Variants in SHROOM4 observed in about 807,000 individuals in gnomAD.
The protein encoded by SHROOM4 is protein Shroom4.
SHROOM4 carries 17 observed loss-of-function variants against 80.3 expected under a neutral mutation model. The observed-to-expected ratio is 0.21, with a 90% CI of 0.14 to 0.32. The LOEUF is 0.32. SHROOM4 is among the 10% of genes least tolerant of loss of function. SHROOM4 has a pLI of 1.00. For missense variants in SHROOM4, 993 were observed against 1,140.3 expected (o/e 0.87, Z 1.86); for synonymous variants, 400 against 437.5 (o/e 0.91, Z 1.07).
At chrX:50,662,104 C>T (rs1338503171) in intron 2 of SHROOM4, among the ~76,000 whole-genome samples, 11 of 110,575 alleles carry the variant, frequency 9.9e-5, no homozygotes, top group Non-Finnish European at 2.1e-4. Flanking sequence ...GGAAATTTAA[C>T]GTATGTTCAA....
At chrX:50,792,390 C>T (rs1935870657) in intron 1 of SHROOM4, among the ~76,000 whole-genome samples, 1 of 109,893 alleles carries the variant, frequency 9.1e-6, no homozygotes, top group Non-Finnish European at 1.9e-5. Context: ...CCTGTAATCC[C>T]AGCTATTTGG....
rs1557255823 is a variant in SHROOM4, at chrX:50,635,473, A to T, written c.600T>A (p.Ser200=). ...CTGGCCTGAGGGAAAGGGCACAGTC[A>T]GAAGCATTTGAGCTGGCCGAGAAGG... ...YSSFSASSNA[S]DCALSLRPEE... is the part of the protein sequence containing the mutation. The change falls in exon 4 of 9, where the codon TCT becomes TCA. Residue 200 remains serine, a synonymous_variant. Transcript: ENST00000376020. 1 of 1,210,498 alleles carries T rather than the reference A, an allele frequency of 8.3e-7. No individual in the cohort carries two copies. Among genetic ancestry groups the T allele is most frequent in the Non-Finnish European group, 1.1e-6 (1 of 894,797 alleles).
At position 50,592,413 on chromosome X, in the gene SHROOM4, T is replaced by A; in HGVS notation, c.*4282A>T. On this transcript the variant is annotated 3_prime_UTR_variant, in exon 9 of 9. Coordinates refer to ENST00000376020, the MANE Select transcript of SHROOM4 (RefSeq NM_020717.5). ...GATAATACTGTTCCCATTTTACAGA[T>A]AAGAAAATGACCTCAGAAGTTGAGC... The A allele has an allele frequency of 4.2e-6, 1 of 237,424 alleles. No homozygotes were observed. Among genetic ancestry groups the A allele is most frequent in the Non-Finnish European group, 7.8e-6 (1 of 128,329 alleles). The allele number at this position is 237,424 out of a possible 1,213,427, so 19.6% of individuals were successfully genotyped here.
In SHROOM4 at chrX:50,596,247, A is replaced by G. The variant is rs1206440606; in HGVS notation, c.*448T>C. Reference sequence around the variant, plus strand: ...GGTGCCAGGTGAATGCCCTCAAGGCAGCCAGCTCTCTGTGAGAAATGGCTG... The same window carrying G: ...GGTGCCAGGTGAATGCCCTCAAGGCGGCCAGCTCTCTGTGAGAAATGGCTG... On this transcript the variant is annotated 3_prime_UTR_variant, in exon 9 of 9. Transcript: ENST00000376020. 9 of 334,600 alleles carry G rather than the reference A, an allele frequency of 2.7e-5. No individual in the cohort carries two copies. The highest frequency in any genetic ancestry group is 4.6e-5 in the Non-Finnish European group (8 of 173,842). 27.6% of individuals were successfully genotyped at this position (334,600 alleles called of 1,213,427 possible). A position where few individuals can be genotyped will look rare whatever the true frequency, so the allele number is the denominator to read the frequency against.
the SHROOM4 span, among the ~76,000 whole-genome samples, chrX:50,578,545 T>A: frequency 9.0e-6 from 1 of 111,657 alleles, no homozygotes; most frequent in Admixed American, 9.5e-5. Flanking sequence ...GACCTCATGA[T>A]CCGCCTGCCT....
intron 5 of SHROOM4, among the ~76,000 whole-genome samples, chrX:50,618,776 G>A (rs1930448505): frequency 8.9e-6 from 1 of 111,793 alleles, no homozygotes; most frequent in Admixed American, 9.5e-5. Context: ...ATTATTGTCA[G>A]TTTGCAGATG....
intron 2 of SHROOM4, among the ~76,000 whole-genome samples, chrX:50,688,012 AG>A (rs1933122167): frequency 9.0e-6 from 1 of 110,597 alleles, no homozygotes; most frequent in African/African-American, 3.3e-5. Context: ...TTCTAGTCTA[AG>A]GGTCATTTTT....
At chrX:50,579,178 CA>C in the SHROOM4 span, among the ~76,000 whole-genome samples, 2 of 111,433 alleles carry the variant, frequency 1.8e-5, no homozygotes, top group East Asian at 2.8e-4. Context: ...AAATAAGAAC[CA>C]AAATGGCAGT....
intron 2 of SHROOM4, among the ~76,000 whole-genome samples, chrX:50,675,757 A>G (rs1175232901): frequency 3.6e-5 from 4 of 111,352 alleles, no homozygotes; most frequent in Non-Finnish European, 7.6e-5. Context: ...TGTCTGAGAG[A>G]CAAAAAAAAA....
At chrX:50,780,961 C>A (rs1223132685) in intron 1 of SHROOM4, among the ~76,000 whole-genome samples, 5 of 111,520 alleles carry the variant, frequency 4.5e-5, no homozygotes, top group African/African-American at 1.6e-4. Context: ...TGGTTCCAGT[C>A]CAAGCCAAAG....
At chrX:50,659,047 G>A (rs190252167) in intron 2 of SHROOM4, among the ~76,000 whole-genome samples, 2 of 111,663 alleles carry the variant, frequency 1.8e-5, no homozygotes, top group African/African-American at 6.5e-5. Flanking sequence ...GGTTGTCAAG[G>A]AAGGGTAGAA....
At chrX:50,630,589 A>G in intron 4 of SHROOM4, among the ~76,000 whole-genome samples, 1 of 111,222 alleles carries the variant, frequency 9.0e-6, no homozygotes, top group African/African-American at 3.3e-5. Flanking sequence ...CATTATGAAT[A>G]TATTCAAACA....
intron 2 of SHROOM4, among the ~76,000 whole-genome samples, chrX:50,650,925 T>A (rs578209953): frequency 1.8e-5 from 2 of 112,018 alleles, no homozygotes; most frequent in African/African-American, 3.2e-5. Flanking sequence ...AAAAATTCCA[T>A]CTGACAGTTT....
At chrX:50,793,755 A>G (rs781837520) in intron 1 of SHROOM4, among the ~76,000 whole-genome samples, 10 of 109,756 alleles carry the variant, frequency 9.1e-5, no homozygotes, top group Non-Finnish European at 1.7e-4. Flanking sequence ...AAAAGAAAAG[A>G]AAAAAGAGGG....
intron 2 of SHROOM4, among the ~76,000 whole-genome samples, chrX:50,676,541 G>C (rs1402007253): frequency 1.8e-5 from 2 of 110,585 alleles, no homozygotes; most frequent in Admixed American, 1.9e-4. Context: ...TATCTTCTCT[G>C]GGTTGAATAA....
Position 50,659,348 on chromosome X carries a change from A to G in SHROOM4, c.270-21040T>C, listed in dbSNP as rs1475892116. Among the ~76,000 whole-genome samples the G allele has an allele frequency of 4.1e-4, 46 of 111,376 alleles. No individual in the cohort carries two copies. The Admixed American group carries it at 4.4e-3, about 11-fold the overall frequency. ...AATGCAGGGATAGAGTAGAGGGGCA[A>G]GTTTGAGAAATGTCTGGTCTAGGAG... On this transcript the variant is annotated intron_variant, in intron 2 of 8. Transcript: ENST00000376020.
At chrX:50,664,293 T>C (rs782321407) in intron 2 of SHROOM4, among the ~76,000 whole-genome samples, 5 of 112,398 alleles carry the variant, frequency 4.4e-5, no homozygotes, top group Non-Finnish European at 9.4e-5. Context: ...ATTTTTTCTT[T>C]CATTTTTATT....
intron 2 of SHROOM4, among the ~76,000 whole-genome samples, chrX:50,692,965 G>A (rs782102887): frequency 8.9e-6 from 1 of 112,087 alleles, no homozygotes; most frequent in East Asian, 2.8e-4. Context: ...CATAGATAGC[G>A]ATCTTGGGAG....
intron 5 of SHROOM4, among the ~76,000 whole-genome samples, chrX:50,612,232 CCA>C (rs1930030977): frequency 1.8e-5 from 2 of 108,151 alleles, no homozygotes; most frequent in African/African-American, 3.4e-5. Flanking sequence ...TGAGAAATAA[CCA>C]CAGTTACAGA....
Sources: allele counts gnomAD v4.1 joint callset (sites outside exome capture counted in the v4.1 genomes callset), GRCh38; gene constraint gnomAD v4.1.1; transcripts MANE v1.5; gene names NCBI Gene and HGNC (gene_info 2026-07-23, HGNC 2026-07-21).